The following WDR64 variants were observed in gnomAD, a reference collection of about 807,000 sequenced individuals.
WDR64 encodes WD repeat domain 64, also known as WD repeat-containing protein 64.
Under a neutral mutation model 139.3 loss-of-function variants are expected in WDR64, and 112 were observed. The observed-to-expected ratio is 0.80, with a 90% CI of 0.69 to 0.94. The LOEUF (loss-of-function observed/expected upper bound fraction) is 0.94, where lower values mean the gene tolerates loss of function less well. WDR64 is among the 40% of genes least tolerant of loss of function. WDR64 has a pLI of 0.00. For missense variants in WDR64, 1,206 were observed against 1,293.1 expected, an observed-to-expected ratio of 0.93 and a Z score of 1.03; for synonymous variants, 444 against 437.7, an observed-to-expected ratio of 1.01 and a Z score of -0.18.
chr1:241,711,627 G>A (rs959554082), intron 8 of WDR64, among the ~76,000 whole-genome samples, 175 bp from the exon 9 acceptor site: 1 of 152,184 alleles, frequency 6.6e-6, no homozygotes, highest in African/African-American at 2.4e-5. Flanking sequence ...ACATAATGGA[G>A]TAAGTAGATT....
chr1:241,765,279 A>G (rs1275112447), intron 15 of WDR64, among the ~76,000 whole-genome samples: 2 of 152,214 alleles, frequency 1.3e-5, no homozygotes, highest in African/African-American at 4.8e-5. Flanking sequence ...ATGTCTAAGT[A>G]ATTAAATATA....
At chr1:241,666,167 TAA>T (rs1666018410) in intron 2 of WDR64, among the ~76,000 whole-genome samples, 1 of 152,140 alleles carries the variant, frequency 6.6e-6, no homozygotes, top group Non-Finnish European at 1.5e-5. Flanking sequence ...AATATATATA[TAA>T]GTGATAAAAT....
At chr1:241,734,557 C>T (rs879884947) in intron 10 of WDR64, among the ~76,000 whole-genome samples, 7 of 151,740 alleles carry the variant, frequency 4.6e-5, no homozygotes, top group Non-Finnish European at 7.4e-5. Flanking sequence ...CTGTACAATG[C>T]GAAGCCATAT....
At chr1:241,756,589 GA>G (rs1182680846) in intron 14 of WDR64, among the ~76,000 whole-genome samples, 2 of 152,106 alleles carry the variant, frequency 1.3e-5, no homozygotes, top group Non-Finnish European at 2.9e-5. Flanking sequence ...AAACAACTAA[GA>G]AAATAAAATA....
chr1:241,683,459 T>C (rs961377494), intron 6 of WDR64, 28 bp from the exon 7 acceptor site: 10 of 1,546,242 alleles, frequency 6.5e-6, no homozygotes, highest in Admixed American at 2.0e-5. Flanking sequence ...AAAGTAATAA[T>C]TCATTAAAGT....
At chr1:241,725,566 A>G (rs1251141690) in intron 10 of WDR64, among the ~76,000 whole-genome samples, 1 of 152,058 alleles carries the variant, frequency 6.6e-6, no homozygotes, top group Non-Finnish European at 1.5e-5. Flanking sequence ...CATGCTTGCC[A>G]TGTGCAACCA....
chr1:241,660,796 A>G, intron 2 of WDR64, 136 bp downstream of exon 2: 1 of 902,826 alleles, frequency 1.1e-6, no homozygotes. Flanking sequence ...ACCTACACCC[A>G]TTAGGACATG....
Position 241,766,099 on chromosome 1 carries a change from A to T in WDR64, c.1948-119A>T, listed in dbSNP as rs970801883. ...CTAAATTTCATGCTCTGATATTAAA[A>T]ATATATATAATAAGGCATTTTGTTT... On this transcript the variant is annotated intron_variant, in intron 15 of 27. Transcript: ENST00000437684. The T allele has an allele frequency of 8.6e-6, 8 of 925,592 alleles. No individual in the cohort carries two copies. The African/African-American group carries it at 1.0e-4, about 12-fold the overall frequency. The allele number at this position is 925,592 out of a possible 1,614,324, so 57.3% of individuals were successfully genotyped here.
At chr1:241,790,208 G>A (rs563860826) in intron 24 of WDR64, among the ~76,000 whole-genome samples, 90 of 152,148 alleles carry the variant, frequency 5.9e-4, no homozygotes, top group Non-Finnish European at 9.4e-4. Flanking sequence ...AAAATTAGCC[G>A]GGCGTGGTGA....
chr1:241,674,953 TCTC>T, intron 4 of WDR64, among the ~76,000 whole-genome samples: 3 of 30,172 alleles, frequency 9.9e-5, no homozygotes, highest in African/African-American at 1.9e-4. Flanking sequence ...CCTTCCTTCC[TCTC>T]TCCTCCCTTC....
intron 8 of WDR64, among the ~76,000 whole-genome samples, chr1:241,705,420 T>TAGTC (rs1381888189): frequency 6.6e-6 from 1 of 151,428 alleles, no homozygotes; most frequent in African/African-American, 2.4e-5. Flanking sequence ...CGGGCGCCTG[T>TAGTC]AGTCCCAGCT....
At chr1:241,721,937 C>T (rs1668626292) in intron 9 of WDR64, among the ~76,000 whole-genome samples, 1 of 152,020 alleles carries the variant, frequency 6.6e-6, no homozygotes, top group Non-Finnish European at 1.5e-5. Context: ...GTAATCTGAC[C>T]ACGCCTAACT....
chr1:241,658,448 G>A (rs1248288828), intron 1 of WDR64, among the ~76,000 whole-genome samples: 4 of 151,918 alleles, frequency 2.6e-5, no homozygotes, highest in Non-Finnish European at 5.9e-5. Flanking sequence ...ACCAGCCTGG[G>A]CTGTAACATA....
chr1:241,717,196 G>A (rs1190071481), intron 9 of WDR64, among the ~76,000 whole-genome samples: 1 of 152,184 alleles, frequency 6.6e-6, no homozygotes, highest in African/African-American at 2.4e-5. Flanking sequence ...TGAATATCTG[G>A]TGAGTTTCTT....
chr1:241,747,532 A>G (rs955261479), intron 13 of WDR64, among the ~76,000 whole-genome samples: 2 of 152,324 alleles, frequency 1.3e-5, no homozygotes, highest in East Asian at 1.9e-4. Context: ...ACTGATACAA[A>G]TCTTTAAATT....
rs1048567522 is a variant in WDR64 at position 241,703,908 on chromosome 1, G to A, written c.975-7894G>A. The stretch of plus-strand genomic sequence containing the variant: ...TTGCCAAACACTTATAAAATCATCA[G>A]ATCTCATGAGAACTCACTCACTAAC... On this transcript the variant is annotated intron_variant, in intron 8 of 27. Transcript: ENST00000437684. This position sits in a 1 kb window ranked among gnomAD's most constrained non-coding sequence, Gnocchi z 5.9. Among the ~76,000 whole-genome samples, 2 of 152,106 alleles carry A rather than the reference G, an allele frequency of 1.3e-5. No homozygotes were observed. Among genetic ancestry groups the A allele is most frequent in the Admixed American group, 6.5e-5 (1 of 15,268 alleles).
chr1:241,669,857 A>G (rs1205704128), intron 2 of WDR64, among the ~76,000 whole-genome samples: 1 of 152,142 alleles, frequency 6.6e-6, no homozygotes, highest in Non-Finnish European at 1.5e-5. Flanking sequence ...TTTAAACTCA[A>G]AGTAGTCTCT....
intron 9 of WDR64, among the ~76,000 whole-genome samples, chr1:241,721,369 A>G (rs1357506659): frequency 6.7e-6 from 1 of 149,902 alleles, no homozygotes; most frequent in African/African-American, 2.5e-5. Context: ...GGCTTTTTAT[A>G]TGTAAATTAT....
At chr1:241,684,905 G>A (rs931215993) in intron 7 of WDR64, among the ~76,000 whole-genome samples, 2 of 151,984 alleles carry the variant, frequency 1.3e-5, no homozygotes, top group African/African-American at 4.8e-5. Flanking sequence ...TTACAGGCAC[G>A]TGCCACCAAC....
Sources: allele counts gnomAD v4.1 joint callset (sites outside exome capture counted in the v4.1 genomes callset), GRCh38; gene constraint gnomAD v4.1.1; non-coding constraint Gnocchi (gnomAD v3.1); transcripts MANE v1.5; gene names NCBI Gene and HGNC (gene_info 2026-07-23, HGNC 2026-07-21).